Variants in PPM1L observed in about 807,000 individuals in gnomAD.
The protein encoded by PPM1L is protein phosphatase 1L.
PPM1L carries 13 observed loss-of-function variants against 31.4 expected under a neutral mutation model. That is an observed-to-expected ratio of 0.41 (90% confidence interval 0.27 to 0.66). The LOEUF is 0.66. Ranked by LOEUF, PPM1L falls within the 30% of genes least tolerant of loss-of-function variation. The pLI is 0.29. For missense variants in PPM1L, 326 were observed against 453.7 expected (o/e 0.72, Z 2.56); for synonymous variants, 184 against 175.4 (o/e 1.05, Z -0.39).
intron 1 of PPM1L, among the ~76,000 whole-genome samples, chr3:160,953,161 C>T (rs959896934): frequency 1.3e-5 from 2 of 152,112 alleles, no homozygotes; most frequent in Non-Finnish European, 2.9e-5. Context: ...TCAGGACCAA[C>T]ATTTACAACA....
At chr3:160,775,187 T>C (rs1264206672) in intron 1 of PPM1L, among the ~76,000 whole-genome samples, 1 of 152,218 alleles carries the variant, frequency 6.6e-6, no homozygotes, top group Non-Finnish European at 1.5e-5. Flanking sequence ...CCCAGGGTTA[T>C]ACAACGGCTA....
In PPM1L at chr3:161,070,961, C is replaced by G. The variant is rs1719898008; in HGVS notation, c.*1804C>G. 1 of 152,162 alleles carries G rather than the reference C, an allele frequency of 6.6e-6. No homozygotes were observed. The highest frequency in any genetic ancestry group is 1.5e-5 in the Non-Finnish European group (1 of 68,030). 9.4% of individuals were successfully genotyped at this position (152,162 alleles called of 1,614,324 possible). Reference sequence around the variant, plus strand: ...TGCTTACTTTTGTATACTGTATTTTCCAGCATTACAGAACCTTGGTTATTG... The same window carrying G: ...TGCTTACTTTTGTATACTGTATTTTGCAGCATTACAGAACCTTGGTTATTG... On this transcript the variant is annotated 3_prime_UTR_variant, in exon 4 of 4. Transcript: ENST00000498165.
chr3:160,798,276 A>T (rs1712320186), intron 1 of PPM1L, among the ~76,000 whole-genome samples: 1 of 152,220 alleles, frequency 6.6e-6, no homozygotes, highest in Non-Finnish European at 1.5e-5. Flanking sequence ...TACACTAAAT[A>T]ACAGATTTTC....
chr3:160,978,398 A>G (rs2889391), intron 2 of PPM1L, among the ~76,000 whole-genome samples: 71,702 of 152,088 alleles, frequency 0.47, 18,222 homozygotes, highest in East Asian at 0.7. Flanking sequence ...GTGGTGGCGG[A>G]AATAAGAGGT....
chr3:160,985,072 A>G (rs748536408), intron 2 of PPM1L, among the ~76,000 whole-genome samples: 48 of 152,224 alleles, frequency 3.2e-4, no homozygotes, highest in Non-Finnish European at 4.4e-4. Flanking sequence ...TTTGTAGCAT[A>G]TTAAAGTCAC....
intron 1 of PPM1L, among the ~76,000 whole-genome samples, chr3:160,795,900 T>G (rs1278412026): frequency 2.6e-5 from 4 of 152,218 alleles, no homozygotes; most frequent in Non-Finnish European, 1.5e-5. Context: ...TCATAGTGGC[T>G]TTGCAAACCA....
At chr3:160,820,635 G>T (rs1713165743) in intron 1 of PPM1L, among the ~76,000 whole-genome samples, 1 of 151,972 alleles carries the variant, frequency 6.6e-6, no homozygotes, top group Admixed American at 6.6e-5. Flanking sequence ...TCATGTAAAT[G>T]ATATTATACT....
At chr3:160,783,409 G>A (rs1275117468) in intron 1 of PPM1L, among the ~76,000 whole-genome samples, 1 of 152,084 alleles carries the variant, frequency 6.6e-6, no homozygotes, top group African/African-American at 2.4e-5. Context: ...AGACCAGCCT[G>A]GCCAATATGG....
chr3:160,844,691 A>G (rs1003243442), intron 1 of PPM1L, among the ~76,000 whole-genome samples: 1 of 152,024 alleles, frequency 6.6e-6, no homozygotes, highest in Non-Finnish European at 1.5e-5. Context: ...CTGTTTGTCT[A>G]GCCCTAGGTT....
intron 2 of PPM1L, among the ~76,000 whole-genome samples, chr3:160,990,156 G>A (rs1490815105): frequency 6.6e-6 from 1 of 151,926 alleles, no homozygotes; most frequent in Non-Finnish European, 1.5e-5. Flanking sequence ...CACCACTGCA[G>A]CTGATCTTTT....
intron 2 of PPM1L, among the ~76,000 whole-genome samples, chr3:161,040,738 G>A (rs2108088847): frequency 6.6e-6 from 1 of 151,992 alleles, no homozygotes; most frequent in East Asian, 1.9e-4. Flanking sequence ...GGGGTCTGGG[G>A]AATCATACCC....
chr3:160,962,661 C>T (rs1393206537), intron 2 of PPM1L, among the ~76,000 whole-genome samples: 3 of 151,978 alleles, frequency 2.0e-5, no homozygotes, highest in African/African-American at 7.2e-5. Flanking sequence ...GGTATTAATT[C>T]TTATATTAAT....
intron 2 of PPM1L, among the ~76,000 whole-genome samples, chr3:161,030,881 T>C (rs1370126441): frequency 6.6e-6 from 1 of 152,154 alleles, no homozygotes; most frequent in Non-Finnish European, 1.5e-5. Flanking sequence ...AGTTCTTCCT[T>C]TGGTATACTC....
At chr3:161,066,295 TAAAAC>T (rs1719737544) in intron 3 of PPM1L, among the ~76,000 whole-genome samples, 1 of 152,272 alleles carries the variant, frequency 6.6e-6, no homozygotes, top group South Asian at 2.1e-4. Flanking sequence ...GAGCTGGGGA[TAAAAC>T]AAAACCCCAT....
At chr3:160,940,889 G>A (rs1196052568) in intron 1 of PPM1L, among the ~76,000 whole-genome samples, 1 of 152,098 alleles carries the variant, frequency 6.6e-6, no homozygotes, top group Non-Finnish European at 1.5e-5. Flanking sequence ...TTGAACTGTG[G>A]GCCTGGAAAA....
intron 1 of PPM1L, among the ~76,000 whole-genome samples, chr3:160,934,926 C>A (rs1714916963): frequency 6.6e-6 from 1 of 151,246 alleles, no homozygotes; most frequent in Non-Finnish European, 1.5e-5. Context: ...CCAGCCTGGG[C>A]AACAACAGAG....
chr3:161,044,335 T>G (rs1388535873), intron 2 of PPM1L, among the ~76,000 whole-genome samples: 1 of 148,806 alleles, frequency 6.7e-6, no homozygotes, highest in Non-Finnish European at 1.5e-5. Flanking sequence ...CCACTGCACC[T>G]GGCCTGCCCT....
chr3:160,920,829 G>A (rs1452739515), intron 1 of PPM1L, among the ~76,000 whole-genome samples: 2 of 152,122 alleles, frequency 1.3e-5, no homozygotes, highest in East Asian at 3.9e-4. Context: ...TGATCCAATT[G>A]TAGTGTGAAA....
chr3:160,961,909 A>T lies in PPM1L; in HGVS notation c.573A>T (p.Ala191=). 6.4e-7 allele frequency: 1 copy of T among 1,555,106 alleles called. No individual in the cohort carries two copies. The highest frequency in any genetic ancestry group is 8.6e-7 in the Non-Finnish European group (1 of 1,158,072). The change falls in exon 2 of 4, where the codon GCA becomes GCT. Residue 191 remains alanine (A), a splice_region_variant and synonymous_variant. Transcript: ENST00000498165. ...LEKLTVSYDE[A]GTTCLIALLS... is the part of the protein sequence containing the mutation. The stretch of plus-strand genomic sequence containing the variant: ...AATTGACTGTATCCTATGATGAAGC[A>T]GGTATGTTTGTTTTTAAAACACACA...
Sources: gnomAD v4.1 joint callset for allele counts (sites outside exome capture counted in the v4.1 genomes callset) on GRCh38, gnomAD v4.1.1 for gene constraint, MANE v1.5 for transcripts, NCBI Gene and HGNC (gene_info 2026-07-23, HGNC 2026-07-21) for gene names.